Variants in DCLK1 observed in about 807,000 individuals in gnomAD.
DCLK1 encodes the protein serine/threonine-protein kinase DCLK1.
In DCLK1, 16 loss-of-function variants were observed where a neutral mutation model predicts 86.2. The ratio of observed to expected loss-of-function variants is 0.19; its 90% CI spans 0.13 to 0.28. DCLK1 has a LOEUF of 0.28. DCLK1 is among the 10% of genes least tolerant of loss of function. DCLK1 has a pLI of 1.00. For missense variants in DCLK1, 590 were observed against 940.2 expected (o/e 0.63, Z 4.87); for synonymous variants, 369 against 370.5 (o/e 1.00, Z 0.05).
At chr13:36,042,252 T>C (rs1882725104) in intron 3 of DCLK1, among the ~76,000 whole-genome samples, 1 of 152,248 alleles carries the variant, frequency 6.6e-6, no homozygotes, top group Non-Finnish European at 1.5e-5. Flanking sequence ...TTATTAAACA[T>C]GGTTATTAAA....
At chr13:36,108,775 A>G (rs927962730) in intron 3 of DCLK1, among the ~76,000 whole-genome samples, 1 of 152,198 alleles carries the variant, frequency 6.6e-6, no homozygotes, top group Non-Finnish European at 1.5e-5. Flanking sequence ...TTGTTTATGG[A>G]GTTGATGTGA....
At chr13:35,867,287 A>G (rs1328923252) in intron 5 of DCLK1, among the ~76,000 whole-genome samples, 2 of 152,230 alleles carry the variant, frequency 1.3e-5, no homozygotes, top group African/African-American at 4.8e-5. Context: ...TATATACACA[A>G]AAAGCTCACA....
At chr13:35,898,162 A>G (rs1874113820) in intron 4 of DCLK1, among the ~76,000 whole-genome samples, 1 of 152,180 alleles carries the variant, frequency 6.6e-6, no homozygotes, top group African/African-American at 2.4e-5. Flanking sequence ...CTTAAAGCCT[A>G]AGAAAGTCTA....
chr13:35,958,121 CACT>C (rs1566620541), intron 3 of DCLK1, among the ~76,000 whole-genome samples: 6 of 132,642 alleles, frequency 4.5e-5, no homozygotes, highest in African/African-American at 9.5e-5. Flanking sequence ...TCACCACCAC[CACT>C]ACCACTACTA....
intron 3 of DCLK1, among the ~76,000 whole-genome samples, chr13:35,984,329 C>T (rs1412326025): frequency 1.3e-5 from 2 of 152,310 alleles, no homozygotes; most frequent in Admixed American, 6.5e-5. Context: ...CTTGACGAGG[C>T]CTCATTTGCC....
chr13:35,818,258 T>G (rs1445773112), intron 11 of DCLK1, among the ~76,000 whole-genome samples: 2 of 152,208 alleles, frequency 1.3e-5, no homozygotes, highest in Non-Finnish European at 2.9e-5. Flanking sequence ...ATGGATTTAT[T>G]TGGAGAATTA....
At chr13:35,892,124 A>T (rs1873685185) in intron 4 of DCLK1, among the ~76,000 whole-genome samples, 1 of 151,998 alleles carries the variant, frequency 6.6e-6, no homozygotes, top group Admixed American at 6.6e-5. Flanking sequence ...TGCTGAGGGG[A>T]ATGTGACACA....
At chr13:36,129,971 T>C (rs1886307672) in intron 1 of DCLK1, among the ~76,000 whole-genome samples, 3 of 152,074 alleles carry the variant, frequency 2.0e-5, no homozygotes, top group South Asian at 4.2e-4. Flanking sequence ...AAGAAAAAAA[T>C]GGCATAAATG....
At chr13:36,062,087 A>G (rs1005325183) in intron 3 of DCLK1, among the ~76,000 whole-genome samples, 4 of 152,004 alleles carry the variant, frequency 2.6e-5, no homozygotes, top group African/African-American at 9.7e-5. Context: ...TTAAAATGTC[A>G]CCCTTGTGGG....
intron 4 of DCLK1, among the ~76,000 whole-genome samples, chr13:35,907,046 A>G (rs1396306417): frequency 6.6e-6 from 1 of 152,150 alleles, no homozygotes; most frequent in Admixed American, 6.5e-5. Flanking sequence ...TGACTCCAAG[A>G]CTGGTTTTTC....
At chr13:35,983,242 C>A (rs1253094108) in intron 3 of DCLK1, among the ~76,000 whole-genome samples, 2 of 152,186 alleles carry the variant, frequency 1.3e-5, no homozygotes, top group Non-Finnish European at 2.9e-5. Context: ...CCTCCTGCCT[C>A]AGCCTCCTAA....
rs149777357 is a variant in DCLK1, at chr13:36,019,823, G to A, written c.724-72366C>T. 2.1e-3 allele frequency among the ~76,000 whole-genome samples: 327 copies of A among 152,240 alleles called. 1 individual carries two copies. Among genetic ancestry groups the A allele is most frequent in the African/African-American group, 7.3e-3 (303 of 41,544 alleles). ...AGGCACATTGTAATCTTCAGCATCCGATACATGGCTCATAGTATTACTCAA... is the reference window on the plus strand; with the variant it reads ...AGGCACATTGTAATCTTCAGCATCCAATACATGGCTCATAGTATTACTCAA... On this transcript the variant is annotated intron_variant, in intron 3 of 16. Transcript: ENST00000360631.
At chr13:36,084,882 AC>A (rs2138120848) in intron 3 of DCLK1, among the ~76,000 whole-genome samples, 1 of 152,346 alleles carries the variant, frequency 6.6e-6, no homozygotes, top group South Asian at 2.1e-4. Flanking sequence ...AAATTGTTAT[AC>A]CATTTTCAAA....
intron 11 of DCLK1, among the ~76,000 whole-genome samples, chr13:35,816,812 G>GT (rs919454151): frequency 2.0e-5 from 3 of 151,742 alleles, no homozygotes; most frequent in African/African-American, 7.3e-5. Flanking sequence ...TACCGTTTGG[G>GT]TTTTTTTTCC....
intron 3 of DCLK1, among the ~76,000 whole-genome samples, chr13:35,971,561 G>A (rs1406925933): frequency 1.3e-5 from 2 of 152,122 alleles, no homozygotes; most frequent in African/African-American, 2.4e-5. Flanking sequence ...TCGGGAGTTC[G>A]AGACCAGCCT....
intron 4 of DCLK1, among the ~76,000 whole-genome samples, chr13:35,940,328 A>G (rs1014220720): frequency 6.6e-6 from 1 of 151,992 alleles, no homozygotes; most frequent in Non-Finnish European, 1.5e-5. Flanking sequence ...GAAGGGTCAC[A>G]TCTGACCTAA....
intron 3 of DCLK1, among the ~76,000 whole-genome samples, chr13:35,981,987 T>A (rs1231621864): frequency 6.6e-6 from 1 of 152,238 alleles, no homozygotes. Flanking sequence ...GCCATCCTAG[T>A]GGGTGTGAGG....
At chr13:36,033,540 G>T (rs1882367281) in intron 3 of DCLK1, among the ~76,000 whole-genome samples, 1 of 152,116 alleles carries the variant, frequency 6.6e-6, no homozygotes, top group South Asian at 2.1e-4. Flanking sequence ...TTTTCTGAGT[G>T]GGGAGTAATA....
At chr13:35,851,449 C>A (rs531570555) in intron 6 of DCLK1, among the ~76,000 whole-genome samples, 5 of 151,954 alleles carry the variant, frequency 3.3e-5, no homozygotes, top group African/African-American at 1.2e-4. Context: ...CTGCAGAGAG[C>A]GTCTAGAGTT....
Sources: gnomAD v4.1 joint callset for allele counts (sites outside exome capture counted in the v4.1 genomes callset) on GRCh38, gnomAD v4.1.1 for gene constraint, MANE v1.5 for transcripts, NCBI Gene and HGNC (gene_info 2026-07-23, HGNC 2026-07-21) for gene names.